Variants in PTPRN2 observed in about 807,000 individuals in gnomAD.
PTPRN2 encodes the protein receptor-type tyrosine-protein phosphatase N2.
In PTPRN2, 74 loss-of-function variants were observed where a neutral mutation model predicts 118.8. The ratio of observed to expected loss-of-function variants is 0.62; its 90% CI spans 0.52 to 0.76. The LOEUF (loss-of-function observed/expected upper bound fraction) is 0.76. Ranked by LOEUF, PTPRN2 falls within the 30% of genes least tolerant of loss-of-function variation. PTPRN2 has a pLI of 0.00. For synonymous variants in PTPRN2, 641 were observed against 608.0 expected (o/e 1.05, Z -0.80); for missense variants, 1,481 against 1,394.4 (o/e 1.06, Z -0.99).
intron 11 of PTPRN2, among the ~76,000 whole-genome samples, chr7:157,961,709 T>C (rs1279865198): frequency 2.0e-5 from 3 of 152,182 alleles, no homozygotes; most frequent in African/African-American, 7.2e-5. Context: ...ATTTGTAAAA[T>C]GAAATTTTCA....
chr7:158,098,667 T>G, intron 10 of PTPRN2, among the ~76,000 whole-genome samples: 1 of 152,146 alleles, frequency 6.6e-6, no homozygotes, highest in East Asian at 1.9e-4. Context: ...ACCATTTTGC[T>G]GAGACTCTGT....
At chr7:158,012,922 A>T (rs4716531) in intron 11 of PTPRN2, among the ~76,000 whole-genome samples, 116,511 of 152,100 alleles carry the variant, frequency 0.77, 44,797 homozygotes, top group East Asian at 0.82. Flanking sequence ...ATCTCTCCAG[A>T]AGAAGAGGAA....
rs561065260 is a variant in PTPRN2, at chr7:157,645,081, C to T, written c.2196+11276G>A. ...GCTGTGATGACGGACACGGAGGAGACGAACAGGAGCAGAACAGTTTCACTG... is the reference window on the plus strand; with the variant it reads ...GCTGTGATGACGGACACGGAGGAGATGAACAGGAGCAGAACAGTTTCACTG... On this transcript the variant is annotated intron_variant, in intron 14 of 22. Transcript: ENST00000389418. Among the ~76,000 whole-genome samples, 7 of 152,320 alleles carry T rather than the reference C, an allele frequency of 4.6e-5. No individual in the cohort carries two copies. In the South Asian group the frequency reaches 8.3e-4, roughly 18 times the overall value.
At chr7:157,689,308 C>G (rs1273135833) in intron 12 of PTPRN2, among the ~76,000 whole-genome samples, 1 of 152,214 alleles carries the variant, frequency 6.6e-6, no homozygotes. Context: ...ACCCTGCGCT[C>G]CGGACTCCAG....
In PTPRN2 at chr7:157,816,246, T is replaced by A. The variant is rs538988219; in HGVS notation, c.1788+82427A>T. On this transcript the variant is annotated intron_variant, in intron 12 of 22. Coordinates refer to ENST00000389418, the MANE Select transcript of PTPRN2 (RefSeq NM_002847.5). ...TGGAGACCAGCTGCTGCCCCGTGCC[T>A]GCCCCGCCTCCCTGGGCCATGCTGC... 3.1e-4 allele frequency among the ~76,000 whole-genome samples: 47 copies of A among 152,300 alleles called. No individual in the cohort carries two copies. In the South Asian group the frequency reaches 6.0e-3, roughly 20 times the overall value.
At chr7:158,199,122 CT>C (rs1276898078) in intron 4 of PTPRN2, among the ~76,000 whole-genome samples, 1 of 152,110 alleles carries the variant, frequency 6.6e-6, no homozygotes, top group African/African-American at 2.4e-5. Flanking sequence ...TTCTCAGCTC[CT>C]CCTTAGACTT....
rs199645361 is a variant in PTPRN2, at chr7:157,874,902, T to TAC, written c.1788+23769_1788+23770dup. Among the ~76,000 whole-genome samples the TAC allele has an allele frequency of 6.7e-5, 10 of 148,478 alleles. No homozygotes were observed. Among genetic ancestry groups the TAC allele is most frequent in the East Asian group, 2.0e-4 (1 of 5,020 alleles). On this transcript the variant is annotated intron_variant, in intron 12 of 22. Coordinates refer to ENST00000389418, the MANE Select transcript of PTPRN2 (RefSeq NM_002847.5). The surrounding 1 kb of genome is among the most constrained non-coding windows in gnomAD (Gnocchi z 5.8). Reference sequence around the variant, plus strand: ...ACACACGGAGACACACTCGTGCACATACACACACACTCATGCACATACACA... The same window carrying TAC: ...ACACACGGAGACACACTCGTGCACATACACACACACACTCATGCACATACACA...
chr7:158,049,994 G>A (rs1157302978), intron 11 of PTPRN2, among the ~76,000 whole-genome samples: 1 of 152,156 alleles, frequency 6.6e-6, no homozygotes, highest in Non-Finnish European at 1.5e-5. Context: ...GGAGTTGAAA[G>A]GGGCAGGGAA....
At chr7:157,556,610 C>T (rs946223587) in intron 21 of PTPRN2, among the ~76,000 whole-genome samples, 2 of 150,414 alleles carry the variant, frequency 1.3e-5, no homozygotes, top group South Asian at 2.1e-4. Flanking sequence ...CACACACACC[C>T]CACACATCAT....
chr7:158,104,588 C>T (rs1039157273), intron 10 of PTPRN2, among the ~76,000 whole-genome samples: 9 of 152,070 alleles, frequency 5.9e-5, no homozygotes, highest in African/African-American at 2.2e-4. Context: ...TGGAGGAGAG[C>T]TTGAGGAAGA....
chr7:157,810,296 C>A (rs572802806), intron 12 of PTPRN2, among the ~76,000 whole-genome samples: 1 of 152,264 alleles, frequency 6.6e-6, no homozygotes. Context: ...GCGATCTAGA[C>A]GTGTGGGGTC....
chr7:158,275,495 A>G (rs1458307547), intron 3 of PTPRN2, among the ~76,000 whole-genome samples: 1 of 152,182 alleles, frequency 6.6e-6, no homozygotes, highest in African/African-American at 2.4e-5. Flanking sequence ...ACTGGCGTGC[A>G]CCCCATGAAT....
chr7:158,050,167 C>T (rs1047125157), intron 11 of PTPRN2, among the ~76,000 whole-genome samples: 4 of 152,170 alleles, frequency 2.6e-5, no homozygotes, highest in African/African-American at 7.2e-5. Context: ...AGAAAGGTTA[C>T]TGTTTAAAAC....
intron 13 of PTPRN2, 76 bp from the exon 14 acceptor site, chr7:157,656,627 A>G: frequency 7.6e-7 from 1 of 1,316,246 alleles, no homozygotes; most frequent in Non-Finnish European, 1.0e-6. Context: ...CACGGCACCC[A>G]CGTGGCACAA....
At chr7:158,406,405 C>A (rs1449944826) in intron 2 of PTPRN2, among the ~76,000 whole-genome samples, 1 of 144,326 alleles carries the variant, frequency 6.9e-6, no homozygotes, top group Admixed American at 6.8e-5. Flanking sequence ...TGGCTGCACA[C>A]TGAGATCCTG....
chr7:157,568,983 A>C lies in PTPRN2; in HGVS notation c.2838-17T>G, dbSNP rs989391618. ...GCACCGTCACTGCCAACAGAAGGAGAGAAATGAAAGTGCTGCCGTCCACAC... is the reference window on the plus strand; with the variant it reads ...GCACCGTCACTGCCAACAGAAGGAGCGAAATGAAAGTGCTGCCGTCCACAC... On this transcript the variant is annotated splice_polypyrimidine_tract_variant and intron_variant, in intron 20 of 22. Coordinates refer to ENST00000389418, the MANE Select transcript of PTPRN2 (RefSeq NM_002847.5). 2.6e-6 allele frequency: 4 copies of C among 1,544,162 alleles called. No homozygotes were observed. The highest frequency in any genetic ancestry group is 1.7e-5 in the Admixed American group (1 of 59,906).
Position 157,629,228 on chromosome 7 carries a change from C to A in PTPRN2, c.2197-7719G>T, listed in dbSNP as rs1803790092. Among the ~76,000 whole-genome samples, 1 of 152,108 alleles carries A rather than the reference C, an allele frequency of 6.6e-6. No homozygotes were observed. The highest frequency in any genetic ancestry group is 6.5e-5 in the Admixed American group (1 of 15,274). On this transcript the variant is annotated intron_variant, in intron 14 of 22. Coordinates refer to ENST00000389418, the MANE Select transcript of PTPRN2 (RefSeq NM_002847.5). The surrounding 1 kb of genome is among the most constrained non-coding windows in gnomAD (Gnocchi z 4.4). ...GCCAATGCTGATTCACCTGTTCCTG[C>A]AGACCCTGCTGCCAAAGACACCGCA...
intron 13 of PTPRN2, among the ~76,000 whole-genome samples, chr7:157,682,321 C>G (rs2150808168): frequency 6.6e-6 from 1 of 152,316 alleles, no homozygotes; most frequent in African/African-American, 2.4e-5. Context: ...GATCTTTTCA[C>G]AGAAGACCCC....
intron 12 of PTPRN2, among the ~76,000 whole-genome samples, chr7:157,826,024 G>A (rs1457084960): frequency 6.6e-6 from 1 of 152,200 alleles, no homozygotes; most frequent in Non-Finnish European, 1.5e-5. Context: ...TAAGGGGTCA[G>A]GCAATCCCCT....
Sources: allele counts gnomAD v4.1 joint callset (sites outside exome capture counted in the v4.1 genomes callset), GRCh38; gene constraint gnomAD v4.1.1; non-coding constraint Gnocchi (gnomAD v3.1); transcripts MANE v1.5; gene names NCBI Gene and HGNC (gene_info 2026-07-23, HGNC 2026-07-21).